Variants in NAA15 observed in about 807,000 individuals in gnomAD.
NAA15 encodes N-terminal acetyltransferase.
Under a neutral mutation model 114.0 loss-of-function variants are expected in NAA15, and 34 were observed. That is an observed-to-expected ratio of 0.30 (90% CI 0.23 to 0.40). The LOEUF (loss-of-function observed/expected upper bound fraction) is 0.40. Ranked by LOEUF, NAA15 falls within the 10% of genes least tolerant of loss-of-function variation. The pLI, the probability that NAA15 is intolerant of heterozygous loss-of-function variation, is 1.00. For synonymous variants in NAA15, 340 were observed against 338.0 expected, an observed-to-expected ratio of 1.01 and a Z score of -0.06; for missense variants, 658 against 1,004.5, an observed-to-expected ratio of 0.66 and a Z score of 4.66.
chr4:139,305,505 A>G (rs1009122866), intron 1 of NAA15, among the ~76,000 whole-genome samples: 41 of 147,380 alleles, frequency 2.8e-4, no homozygotes, highest in Non-Finnish European at 4.9e-4. Flanking sequence ...TGTGTGCTCT[A>G]TGTAATCAAG....
intron 1 of NAA15, among the ~76,000 whole-genome samples, chr4:139,333,267 T>C (rs1408011609): frequency 6.6e-6 from 1 of 152,208 alleles, no homozygotes; most frequent in Non-Finnish European, 1.5e-5. Flanking sequence ...TACAGAATTA[T>C]AAGTTGAAAC....
In NAA15 at chr4:139,360,360, T is replaced by C. The variant is rs898537631; in HGVS notation, c.1411-140T>C. On this transcript the variant is annotated intron_variant, in intron 12 of 19. Transcript: ENST00000296543. ...TTAGAGAATATCAGTTGTTTTCCCA[T>C]GTTAACTATTCTTTAAGAATGTTTT... The C allele has an allele frequency of 5.0e-6, 3 of 596,556 alleles. No homozygotes were observed. The African/African-American group carries it at 5.8e-5, about 12-fold the overall frequency. 37.0% of individuals were successfully genotyped at this position (596,556 alleles called of 1,614,324 possible).
chr4:139,386,089 T>C (rs1022644801), intron 18 of NAA15, 44 bp from the exon 19 acceptor site: 1 of 1,036,362 alleles, frequency 9.6e-7, no homozygotes, highest in Non-Finnish European at 1.5e-6. Context: ...GGATAAGATG[T>C]TGGTTTTACC....
chr4:139,387,895 G>A lies in NAA15; in HGVS notation c.2412G>A (p.Glu804=), dbSNP rs1216271983. 5.0e-6 allele frequency: 8 copies of A among 1,613,662 alleles called. No homozygotes were observed. In the African/African-American group the frequency reaches 5.3e-5, roughly 11 times the overall value. ...LTNRNLQTCM[E]VLEALYDGSL... is the part of the protein sequence containing the mutation. ...TTTTCTTTCCTTAGACATGTATGGA[G>A]GTATTGGAAGCCTTGTATGATGGTA... The change falls in exon 20 of 20, where the codon GAG becomes GAA. Residue 804 remains glutamate, a synonymous_variant. Transcript: ENST00000296543.
chr4:139,334,323 TC>T, intron 2 of NAA15, 65 bp downstream of exon 2: 1 of 1,062,550 alleles, frequency 9.4e-7, no homozygotes, highest in Non-Finnish European at 1.4e-6. Flanking sequence ...ATTGTATTCT[TC>T]CCAGCTGCCT....
chr4:139,304,681 T>C (rs1003345815), intron 1 of NAA15, among the ~76,000 whole-genome samples: 1 of 152,252 alleles, frequency 6.6e-6, no homozygotes, highest in Non-Finnish European at 1.5e-5. Flanking sequence ...TACCTATGGA[T>C]GCAGACACCA....
In NAA15 at chr4:139,375,462, TC is replaced by T. The variant is rs779182572; in HGVS notation, c.1948-902del. On this transcript the variant is annotated intron_variant, in intron 15 of 19. Transcript: ENST00000296543. ...TCACTGCTTTTCTTTTCTTTTCTTT[TC>T]TTTTCTTTTTTTAAATGCAGTGAAA... Among the ~76,000 whole-genome samples, 806 of 149,002 alleles carry T rather than the reference TC, an allele frequency of 5.4e-3. 8 individuals are homozygous for T. The highest frequency in any genetic ancestry group is 0.013 in the East Asian group (66 of 5,190).
chr4:139,361,687 G>T, intron 13 of NAA15, 37 bp from the exon 14 acceptor site: 1 of 1,309,908 alleles, frequency 7.6e-7, no homozygotes, highest in East Asian at 2.5e-5. Context: ...AGCCATTGCT[G>T]TACTTCGGTA....
chr4:139,364,192 A>G (rs1343678672), intron 14 of NAA15, among the ~76,000 whole-genome samples: 1 of 152,184 alleles, frequency 6.6e-6, no homozygotes, highest in Non-Finnish European at 1.5e-5. Context: ...TAGATTTTTA[A>G]TGGAGTGGAT....
chr4:139,357,095 C>G (rs1255633666), intron 10 of NAA15, among the ~76,000 whole-genome samples: 2 of 151,934 alleles, frequency 1.3e-5, no homozygotes, highest in African/African-American at 4.8e-5. Context: ...AGCTTGTCTC[C>G]CCCCTACCTG....
In NAA15 at chr4:139,386,196, C is replaced by A. The variant is rs368266622; in HGVS notation, c.2366C>A (p.Thr789Lys). The A allele has an allele frequency of 2.5e-6, 4 of 1,609,800 alleles. No individual in the cohort carries two copies. Among genetic ancestry groups the A allele is most frequent in the Non-Finnish European group, 3.4e-6 (4 of 1,177,400 alleles). ...AAGCGAGCTATAGAGTTGGCAACAA[C>A]ACTTGATGAATCTCTCACTAACAGA... Reference protein sequence around the residue: ...SQKRAIELATTLDESLTNRNL... With the variant: ...SQKRAIELATKLDESLTNRNL... The change falls in exon 19 of 20, where the codon ACA (threonine) becomes AAA (lysine). Residue 789 changes from threonine to lysine, a missense_variant. By Grantham distance (78) the Thr-to-Lys change is moderately conservative. Around this residue, in one of 6 missense-constraint regions of NAA15, gnomAD observed 275 missense variants for 371.1 expected, o/e 0.74. Transcript: ENST00000296543.
intron 1 of NAA15, among the ~76,000 whole-genome samples, chr4:139,310,471 A>G (rs113104502): frequency 0.054 from 8,055 of 150,086 alleles, 325 homozygotes; most frequent in East Asian, 0.1. Context: ...AAAAAAAAAC[A>G]TTTTTGGACA....
intron 1 of NAA15, among the ~76,000 whole-genome samples, chr4:139,331,291 A>G (rs983201331): frequency 1.3e-5 from 2 of 152,124 alleles, no homozygotes; most frequent in African/African-American, 2.4e-5. Flanking sequence ...TTGCTTAGTA[A>G]TACATCACTA....
chr4:139,304,384 T>C (rs902272434), intron 1 of NAA15, among the ~76,000 whole-genome samples: 1 of 152,224 alleles, frequency 6.6e-6, no homozygotes, highest in African/African-American at 2.4e-5. Flanking sequence ...CCAGTCTTAT[T>C]CAGATTTCCC....
intron 9 of NAA15, 46 bp downstream of exon 9, chr4:139,351,657 C>T (rs762568402): frequency 2.6e-5 from 26 of 1,007,844 alleles, no homozygotes; most frequent in Non-Finnish European, 3.5e-5. Context: ...TTTCTTTGCT[C>T]GGTATTTGGA....
At chr4:139,358,136 G>T (rs1748018281) in intron 11 of NAA15, among the ~76,000 whole-genome samples, 1 of 151,436 alleles carries the variant, frequency 6.6e-6, no homozygotes, top group Admixed American at 6.6e-5. Context: ...TGTTTAGCAA[G>T]AAAATAATGA....
Position 139,357,449 on chromosome 4 carries a change from A to T in NAA15, c.1151A>T (p.Tyr384Phe), listed in dbSNP as rs1416897629. The T allele has an allele frequency of 6.2e-7, 1 of 1,613,952 alleles. No individual in the cohort carries two copies. The highest frequency in any genetic ancestry group is 1.1e-5 in the South Asian group (1 of 91,078). The change falls in exon 11 of 20, where the codon TAT becomes TTT. Residue 384 changes from tyrosine (Y) to phenylalanine (F), a missense_variant. Tyr to Phe is a conservative substitution (Grantham distance 22). Around this residue, in one of 6 missense-constraint regions of NAA15, gnomAD observed 281 missense variants for 389.1 expected, o/e 0.72. Transcript: ENST00000296543. ...GTCCAGTACTACTTGGCACAACATTATGACAAAATTGGTCAGCCATCTATT... is the reference window on the plus strand; with the variant it reads ...GTCCAGTACTACTTGGCACAACATTTTGACAAAATTGGTCAGCCATCTATT... ...LWVQYYLAQH[Y>F]DKIGQPSIAL... is the part of the protein sequence containing the mutation.
chr4:139,322,260 T>A (rs1321878666), intron 1 of NAA15, among the ~76,000 whole-genome samples: 1 of 151,936 alleles, frequency 6.6e-6, no homozygotes, highest in Non-Finnish European at 1.5e-5. Context: ...TTTCATGAGA[T>A]CTGACAGTTT....
intron 1 of NAA15, among the ~76,000 whole-genome samples, chr4:139,303,382 A>G (rs753351196): frequency 1.2e-4 from 18 of 152,236 alleles, no homozygotes; most frequent in Admixed American, 6.5e-4. Flanking sequence ...AATGAAACTG[A>G]AAAGTTGAGA....
Sources: gnomAD v4.1 joint callset for allele counts (sites outside exome capture counted in the v4.1 genomes callset) on GRCh38, gnomAD v4.1.1 for gene constraint, gnomAD v4.1.1 regional missense constraint, MANE v1.5 for transcripts, NCBI Gene and HGNC (gene_info 2026-07-23, HGNC 2026-07-21) for gene names.